LEF1: variants seen among roughly 807,000 people sequenced by gnomAD.
LEF1 encodes lymphoid enhancer-binding factor 1.
A neutral mutation model predicts 51.2 loss-of-function variants in LEF1; 14 were observed. The observed-to-expected ratio is 0.27, with a 90% CI of 0.18 to 0.43. The LOEUF (loss-of-function observed/expected upper bound fraction) is 0.43, where lower values mean the gene tolerates loss of function less well. Ranked by LOEUF, LEF1 falls within the 20% of genes least tolerant of loss-of-function variation. LEF1 has a pLI of 1.00. For missense variants in LEF1, 386 were observed against 512.0 expected, an observed-to-expected ratio of 0.75 and a Z score of 2.37; for synonymous variants, 185 against 183.2, an observed-to-expected ratio of 1.01 and a Z score of -0.08.
intron 1 of LEF1, chr4:108,166,243 G>T: frequency 6.5e-7 from 1 of 1,534,636 alleles, no homozygotes; most frequent in Non-Finnish European, 8.7e-7. Context: ...CTGAACGCAG[G>T]CCCCCAGCCT....
chr4:108,067,657 G>A (rs1313712038), intron 9 of LEF1, among the ~76,000 whole-genome samples: 3 of 151,818 alleles, frequency 2.0e-5, no homozygotes, highest in Admixed American at 2.0e-4. Flanking sequence ...AGCCTCCCGA[G>A]TAGCTGGGAT....
chr4:108,156,992 T>C (rs891671984), intron 3 of LEF1, among the ~76,000 whole-genome samples: 2 of 152,022 alleles, frequency 1.3e-5, no homozygotes, highest in African/African-American at 4.8e-5. Context: ...TCCATAAACT[T>C]ATACAAATAA....
chr4:108,070,695 G>A lies in LEF1; in HGVS notation c.1084C>T (p.Leu362Phe). 1 of 1,613,904 alleles carries A rather than the reference G, an allele frequency of 6.2e-7. No homozygotes were observed. The highest frequency in any genetic ancestry group is 8.5e-7 in the Non-Finnish European group (1 of 1,179,836). Residue 362 changes from leucine (L) to phenylalanine (F), a missense_variant, in exon 9 of 12, where the codon CTT (leucine) becomes TTT (phenylalanine). Leu to Phe is a conservative substitution (Grantham distance 22, BLOSUM62 0). Coordinates refer to ENST00000265165, the MANE Select transcript of LEF1 (RefSeq NM_016269.5). ...TCTCTTGCAGACCAGCCTGGATAAA[G>A]CTGCATATGTAGCTGTCTTTCTTTC... is the stretch of plus-strand genomic sequence containing the variant. ...ARKERQLHMQ[L>F]YPGWSARDNY...
At chr4:108,115,797 G>C (rs1741796791) in intron 3 of LEF1, among the ~76,000 whole-genome samples, 2 of 149,022 alleles carry the variant, frequency 1.3e-5, no homozygotes, top group African/African-American at 5.0e-5. Flanking sequence ...TTACCAATAA[G>C]GAAACTGAGG....
At chr4:108,117,527 C>T (rs1344137052) in intron 3 of LEF1, among the ~76,000 whole-genome samples, 2 of 152,256 alleles carry the variant, frequency 1.3e-5, no homozygotes, top group East Asian at 3.8e-4. Context: ...GGCTACGCCA[C>T]AGTGCTCAGA....
intron 3 of LEF1, among the ~76,000 whole-genome samples, chr4:108,154,923 G>T (rs776362687): frequency 2.0e-5 from 3 of 152,156 alleles, no homozygotes; most frequent in Non-Finnish European, 4.4e-5. Context: ...GAATTTCCCA[G>T]GAGGCTAGAA....
At chr4:108,117,636 A>G (rs1186974251) in intron 3 of LEF1, among the ~76,000 whole-genome samples, 1 of 152,222 alleles carries the variant, frequency 6.6e-6, no homozygotes, top group Non-Finnish European at 1.5e-5. Context: ...TCACCACTCC[A>G]GGAATGTCTG....
At position 108,135,714 on chromosome 4, in the gene LEF1, G is replaced by T. The variant is rs111435795; in HGVS notation, c.414+27854C>A. ...TGGCTGAGTGACACTTCAATGGCCTGCCAGCGGGGGAGTTGTTTTTAGGCA... is the reference window on the plus strand; with the variant it reads ...TGGCTGAGTGACACTTCAATGGCCTTCCAGCGGGGGAGTTGTTTTTAGGCA... On this transcript the variant is annotated intron_variant, in intron 3 of 11. Coordinates refer to ENST00000265165, the MANE Select transcript of LEF1 (RefSeq NM_016269.5). Among the ~76,000 whole-genome samples the T allele has an allele frequency of 2.2e-3, 329 of 152,286 alleles. 3 individuals carry two copies. The highest frequency in any genetic ancestry group is 0.01 in the Middle Eastern group (3 of 294).
chr4:108,061,465 T>C (rs917092821), intron 11 of LEF1, among the ~76,000 whole-genome samples: 4 of 152,142 alleles, frequency 2.6e-5, no homozygotes, highest in African/African-American at 9.7e-5. Context: ...AATACATTTT[T>C]CCATGCTTTT....
intron 1 of LEF1, among the ~76,000 whole-genome samples, chr4:108,165,755 G>T (rs1745346114): frequency 6.6e-6 from 1 of 152,208 alleles, no homozygotes. Context: ...TGTGGTTAAA[G>T]GGAGGAAAAT....
chr4:108,155,108 G>A (rs1286633353), intron 3 of LEF1, among the ~76,000 whole-genome samples: 1 of 151,940 alleles, frequency 6.6e-6, no homozygotes, highest in Non-Finnish European at 1.5e-5. Context: ...AATTTTTGCA[G>A]TAGAGAGAAA....
At position 108,167,636 on chromosome 4, in the gene LEF1, G is replaced by A. The variant is rs1745498905; in HGVS notation, c.132C>T (p.Pro44=). The A allele has an allele frequency of 1.2e-6, 2 of 1,614,158 alleles. No homozygotes were observed. The highest frequency in any genetic ancestry group is 1.7e-6 in the Non-Finnish European group (2 of 1,180,020). ...KEKIFAEISH[P]EEEGDLADIK... ...TGTCAGCTAAATCGCCTTCCTCTTC[G>A]GGATGACTGATCTCGGCGAAGATCT... Residue 44 remains proline (P), a synonymous_variant, in exon 1 of 12, where the codon CCC becomes CCT. Transcript: ENST00000265165. The surrounding 1 kb of genome is among the most constrained non-coding windows in gnomAD (Gnocchi z 5.7).
At chr4:108,071,583 A>C (rs1405634370) in intron 8 of LEF1, 2 of 152,220 alleles carry the variant, frequency 1.3e-5, no homozygotes, top group African/African-American at 4.8e-5. Flanking sequence ...AAAGTCATTT[A>C]TGTAGGAAAG....
In LEF1 at chr4:108,108,792, C is replaced by T. The variant is rs762438963; in HGVS notation, c.415-19535G>A. Among the ~76,000 whole-genome samples, 8 of 152,190 alleles carry T rather than the reference C, an allele frequency of 5.3e-5. 1 individual carries two copies. The highest frequency in any genetic ancestry group is 1.2e-4 in the African/African-American group (5 of 41,452). Reference sequence around the variant, plus strand: ...GGATAAAAAATAAACAGAAAACAAGCAAACGAGCTCTTCCTGTTGAGCTGC... The same window carrying T: ...GGATAAAAAATAAACAGAAAACAAGTAAACGAGCTCTTCCTGTTGAGCTGC... On this transcript the variant is annotated intron_variant, in intron 3 of 11. Transcript: ENST00000265165.
chr4:108,075,858 T>C (rs1738820161), intron 8 of LEF1, among the ~76,000 whole-genome samples: 1 of 152,148 alleles, frequency 6.6e-6, no homozygotes, highest in Admixed American at 6.5e-5. Flanking sequence ...ACCTGGCAGG[T>C]GTACACTTGG....
chr4:108,133,382 C>G (rs764263102), intron 3 of LEF1, among the ~76,000 whole-genome samples: 3 of 152,130 alleles, frequency 2.0e-5, no homozygotes, highest in Non-Finnish European at 4.4e-5. Flanking sequence ...ACAAGTAATA[C>G]ATGTTAAGCA....
At chr4:108,136,319 T>A (rs1343225051) in intron 3 of LEF1, among the ~76,000 whole-genome samples, 2 of 152,236 alleles carry the variant, frequency 1.3e-5, no homozygotes, top group African/African-American at 4.8e-5. Flanking sequence ...TTCTACTATA[T>A]GCGTATTCCC....
chr4:108,069,183 C>T (rs1051299320), intron 9 of LEF1, among the ~76,000 whole-genome samples: 1 of 152,192 alleles, frequency 6.6e-6, no homozygotes, highest in African/African-American at 2.4e-5. Flanking sequence ...TCACCAGACA[C>T]CAAACCTGCC....
At chr4:108,157,359 A>C (rs911591934) in intron 3 of LEF1, among the ~76,000 whole-genome samples, 2 of 151,950 alleles carry the variant, frequency 1.3e-5, no homozygotes, top group African/African-American at 4.8e-5. Flanking sequence ...AGCCCAGCTA[A>C]TTTTTGTATT....
Sources: allele counts gnomAD v4.1 joint callset (sites outside exome capture counted in the v4.1 genomes callset), GRCh38; gene constraint gnomAD v4.1.1; non-coding constraint Gnocchi (gnomAD v3.1); transcripts MANE v1.5; gene names NCBI Gene and HGNC (gene_info 2026-07-23, HGNC 2026-07-21).